The following WDR73 variants were observed in gnomAD, a reference collection of about 807,000 sequenced individuals.
The protein encoded by WDR73 is integrator complex assembly factor WDR73.
A neutral mutation model predicts 38.2 loss-of-function variants in WDR73; 30 were observed. The observed-to-expected ratio is 0.79, with a 90% confidence interval of 0.59 to 1.06. WDR73 has a LOEUF of 1.06. Ranked by LOEUF, WDR73 falls within the 50% of genes least tolerant of loss-of-function variation. WDR73 has a pLI of 0.00. For missense variants in WDR73, 487 were observed against 467.0 expected (o/e 1.04, Z -0.40); for synonymous variants, 197 against 176.0 (o/e 1.12, Z -0.94).
chr15:84,651,589 G>A (rs754301763), intron 3 of WDR73, among the ~76,000 whole-genome samples: 39 of 152,128 alleles, frequency 2.6e-4, no homozygotes, highest in East Asian at 5.8e-4. Context: ...AAGCAGGAGC[G>A]TGTTCCCTGT....
intron 7 of WDR73, chr15:84,644,318 C>T (rs1896371243): frequency 6.5e-6 from 1 of 153,304 alleles, no homozygotes; most frequent in East Asian, 1.9e-4. Context: ...CACGATCTAG[C>T]TGCACACACA....
intron 3 of WDR73, among the ~76,000 whole-genome samples, chr15:84,650,974 G>A (rs576097138): frequency 6.6e-6 from 1 of 152,266 alleles, no homozygotes; most frequent in East Asian, 1.9e-4. Context: ...AATTAACCAG[G>A]TGTGGTGGCA....
chr15:84,645,240 A>G lies in WDR73; in HGVS notation c.883+231T>C, dbSNP rs1343193931. The G allele has an allele frequency of 4.2e-6, 6 of 1,420,286 alleles. No individual in the cohort carries two copies. In the South Asian group the frequency reaches 5.6e-5, roughly 13 times the overall value. The allele number at this position is 1,420,286 out of a possible 1,614,324, so 88.0% of individuals were successfully genotyped here. A position where few individuals can be genotyped will look rare whatever the true frequency, so the allele number is the denominator to read the frequency against. On this transcript the variant is annotated intron_variant, in intron 7 of 7. Transcript: ENST00000434634. ...CTGCAGGCCCCTCCACCAACCTGAGACCTGAATTCCTGCTAGGCTAGGAAA... is the reference window on the plus strand; with the variant it reads ...CTGCAGGCCCCTCCACCAACCTGAGGCCTGAATTCCTGCTAGGCTAGGAAA...
At chr15:84,648,760 C>T (rs1300337273) in intron 3 of WDR73, 135 bp from the exon 4 acceptor site, 5 of 687,720 alleles carry the variant, frequency 7.3e-6, no homozygotes, top group Admixed American at 2.4e-5. Context: ...GCGTTGGTGT[C>T]CTGGTATTTG....
At position 84,643,443 on chromosome 15, in the gene WDR73, A is replaced by G; in HGVS notation, c.*27T>C. The G allele has an allele frequency of 1.3e-6, 2 of 1,548,652 alleles. No individual in the cohort carries two copies. The highest frequency in any genetic ancestry group is 8.7e-7 in the Non-Finnish European group (1 of 1,145,772). On this transcript the variant is annotated 3_prime_UTR_variant, in exon 8 of 8. Transcript: ENST00000434634. The stretch of plus-strand genomic sequence containing the variant: ...TACTACAGCAGCTCCTCCCCTTTCT[A>G]GAGGCCTAGATGGAAAGATGCTGGT...
Position 84,643,670 on chromosome 15 carries a change from TCCGTGTTCCATC to T in WDR73, c.925_936del (p.Asp309_Arg312del), listed in dbSNP as rs1896344914. 3 of 1,321,680 alleles carry T rather than the reference TCCGTGTTCCATC, an allele frequency of 2.3e-6. No homozygotes were observed. Among genetic ancestry groups the T allele is most frequent in the South Asian group, 1.3e-5 (1 of 76,766 alleles). 81.9% of individuals were successfully genotyped at this position (1,321,680 alleles called of 1,614,324 possible). A position where few individuals can be genotyped will look rare whatever the true frequency, so the allele number is the denominator to read the frequency against. ...ACTTGGCTCCGTGTTCCATCTTGGC[TCCGTGTTCCATC>T]CCAAGATGTGGCATCATAGACCTGG... On this transcript the variant is annotated inframe_deletion, in exon 8 of 8. Transcript: ENST00000434634.
At chr15:84,652,828 T>TG (rs1176646893) in intron 2 of WDR73, 26 bp from the exon 3 acceptor site, 18 of 1,419,850 alleles carry the variant, frequency 1.3e-5, no homozygotes, top group Non-Finnish European at 1.7e-5. Flanking sequence ...GAGGTAGCTG[T>TG]CACAAATTGT....
At chr15:84,647,840 G>C in intron 5 of WDR73, 50 bp downstream of exon 5, 1 of 1,565,888 alleles carries the variant, frequency 6.4e-7, no homozygotes, top group South Asian at 1.1e-5. Flanking sequence ...AGGGGTGTAT[G>C]AGTCACACTT....
At position 84,648,631 on chromosome 15, in the gene WDR73, A is replaced by G; in HGVS notation, c.199-6T>C. 5 of 1,610,346 alleles carry G rather than the reference A, an allele frequency of 3.1e-6. No individual in the cohort carries two copies. Among genetic ancestry groups the G allele is most frequent in the Non-Finnish European group, 4.2e-6 (5 of 1,176,574 alleles). On this transcript the variant is annotated splice_region_variant and splice_polypyrimidine_tract_variant and intron_variant, in intron 3 of 7. Transcript: ENST00000434634. ...TCTCTTTCTGGGAATAAGCCCTAAA[A>G]TACAAAGGAGTAGCCAATCAGAGCC... is the stretch of plus-strand genomic sequence containing the variant.
rs1896436678 is a variant in WDR73 at position 84,645,819 on chromosome 15, CCTCA to C, written c.531_534del (p.Ser177ArgfsTer3). 1.1e-5 allele frequency: 18 copies of C among 1,613,844 alleles called. No individual in the cohort carries two copies. Among genetic ancestry groups the C allele is most frequent in the Non-Finnish European group, 1.4e-5 (16 of 1,179,850 alleles). On this transcript the variant is annotated frameshift_variant, in exon 7 of 8. Coordinates refer to ENST00000434634, the MANE Select transcript of WDR73 (RefSeq NM_032856.5). LOFTEE classifies it high-confidence loss of function. Reference sequence around the variant, plus strand: ...TCTAGGACCTGCAGGCTACTCAGCTCCTCACTGTCACTGACATCTGGAAGACCGA... The same window carrying C: ...TCTAGGACCTGCAGGCTACTCAGCTCCTGTCACTGACATCTGGAAGACCGA...
At chr15:84,646,595 C>G (rs1896471700) in intron 5 of WDR73, 1 of 441,412 alleles carries the variant, frequency 2.3e-6, no homozygotes, top group Non-Finnish European at 3.7e-6. Flanking sequence ...ACAATGCCAT[C>G]TCAAAACCCA....
rs762340231 is a variant in WDR73, at chr15:84,643,408, G to A, written c.*62C>T. 2 of 1,528,068 alleles carry A rather than the reference G, an allele frequency of 1.3e-6. No homozygotes were observed. The highest frequency in any genetic ancestry group is 1.2e-5 in the South Asian group (1 of 80,168). 94.7% of individuals were successfully genotyped at this position (1,528,068 alleles called of 1,614,324 possible). ...TGGTAGTCACTTGAGTCCTACATGA[G>A]CACCCTTGCTACTACAGCAGCTCCT... On this transcript the variant is annotated 3_prime_UTR_variant, in exon 8 of 8. Transcript: ENST00000434634.
intron 4 of WDR73, chr15:84,648,327 A>C: frequency 1.7e-6 from 1 of 589,646 alleles, no homozygotes; most frequent in Non-Finnish European, 3.0e-6. Context: ...TACTTACATT[A>C]GTCCAAGGGC....
chr15:84,652,952 T>C (rs1336619600), intron 2 of WDR73, 150 bp from the exon 3 acceptor site: 1 of 536,674 alleles, frequency 1.9e-6, no homozygotes, highest in Non-Finnish European at 3.4e-6. Context: ...AAGGTCTCGC[T>C]GTGTCAGCCA....
rs946873684 is a variant in WDR73, at chr15:84,639,429, C to A, written c.*4041G>T. The A allele has an allele frequency of 2.6e-5, 4 of 152,092 alleles. No homozygotes were observed. Among genetic ancestry groups the A allele is most frequent in the African/African-American group, 9.6e-5 (4 of 41,480 alleles). The allele number at this position is 152,092 out of a possible 1,614,324, so 9.4% of individuals were successfully genotyped here. ...AGAATTAAAAAAAAAAAATTACTAT[C>A]TCCTCTCCCTGGCATATAAAATGGT... On this transcript the variant is annotated 3_prime_UTR_variant, in exon 8 of 8. Coordinates refer to ENST00000434634, the MANE Select transcript of WDR73 (RefSeq NM_032856.5).
chr15:84,649,452 C>T (rs1481870093), intron 3 of WDR73, among the ~76,000 whole-genome samples: 2 of 150,558 alleles, frequency 1.3e-5, no homozygotes, highest in Non-Finnish European at 3.0e-5. Context: ...TTTATGAGTA[C>T]AAATTTGGCT....
chr15:84,653,859 A>G, intron 1 of WDR73, 160 bp from the exon 2 acceptor site: 1 of 667,208 alleles, frequency 1.5e-6, no homozygotes, highest in South Asian at 1.7e-5. Flanking sequence ...GGACCAGGCC[A>G]GTCCCTTGAT....
chr15:84,643,887 G>A (rs1896355751), intron 7 of WDR73, 164 bp from the exon 8 acceptor site: 1 of 780,524 alleles, frequency 1.3e-6, no homozygotes, highest in South Asian at 2.2e-5. Flanking sequence ...AAAATGCTGG[G>A]ATTACAGGCA....
chr15:84,642,409 G>A lies in WDR73; in HGVS notation c.*1061C>T, dbSNP rs1040722733. On this transcript the variant is annotated 3_prime_UTR_variant, in exon 8 of 8. Coordinates refer to ENST00000434634, the MANE Select transcript of WDR73 (RefSeq NM_032856.5). ...CCTCTCATTTATGTATTTCTAGCAT[G>A]TAATTAGTGTTGCACATGGGAAGGG... The A allele has an allele frequency of 2.0e-5, 3 of 151,920 alleles. No individual in the cohort carries two copies. Among genetic ancestry groups the A allele is most frequent in the African/African-American group, 7.3e-5 (3 of 41,332 alleles). The allele number at this position is 151,920 out of a possible 1,614,324, so 9.4% of individuals were successfully genotyped here. A position where few individuals can be genotyped will look rare whatever the true frequency, so the allele number is the denominator to read the frequency against.
Sources: gnomAD v4.1 joint callset for allele counts (sites outside exome capture counted in the v4.1 genomes callset) on GRCh38, gnomAD v4.1.1 for gene constraint, MANE v1.5 for transcripts, NCBI Gene and HGNC (gene_info 2026-07-23, HGNC 2026-07-21) for gene names.